The following PHACTR1 variants were observed in gnomAD, a reference collection of about 807,000 sequenced individuals.
PHACTR1 encodes the protein RPEL repeat containing 1.
A neutral mutation model predicts 69.2 loss-of-function variants in PHACTR1; 16 were observed. The ratio of observed to expected loss-of-function variants is 0.23; its 90% confidence interval spans 0.16 to 0.35. PHACTR1 has a LOEUF of 0.35. Among genes scored for constraint, PHACTR1 ranks in the 10% least tolerant of loss-of-function variants. PHACTR1 has a pLI of 1.00. For synonymous variants in PHACTR1, 312 were observed against 284.5 expected, an observed-to-expected ratio of 1.10 and a Z score of -0.97; for missense variants, 510 against 734.7, an observed-to-expected ratio of 0.69 and a Z score of 3.54.
chr6:13,113,644 A>T (rs1372384123), intron 5 of PHACTR1, among the ~76,000 whole-genome samples: 1 of 152,198 alleles, frequency 6.6e-6, no homozygotes, highest in Admixed American at 6.5e-5. Flanking sequence ...ACAAAACCAG[A>T]TACCACACAA....
rs56305254 is a variant in PHACTR1 at position 13,193,357 on chromosome 6, GTATATATA to G, written c.664+10692_664+10699del. ...ATTCTACCTCTTAATAGCTCTCTGT[GTATATATA>G]TATATATATATATATATATAGTTTT... On this transcript the variant is annotated intron_variant, in intron 7 of 14. Coordinates refer to ENST00000332995, the MANE Select transcript of PHACTR1 (RefSeq NM_030948.6). 4.3e-4 allele frequency among the ~76,000 whole-genome samples: 29 copies of G among 68,198 alleles called. 4 individuals carry two copies. Among genetic ancestry groups the G allele is most frequent in the Admixed American group, 9.4e-4 (5 of 5,328 alleles). 44.7% of individuals were successfully genotyped at this position (68,198 alleles called of 152,430 possible).
intron 4 of PHACTR1, among the ~76,000 whole-genome samples, chr6:12,814,738 C>T (rs1195468344): frequency 1.3e-5 from 2 of 152,192 alleles, no homozygotes; most frequent in African/African-American, 4.8e-5. Context: ...TACAGTTAGT[C>T]TAACACTTGA....
intron 9 of PHACTR1, among the ~76,000 whole-genome samples, chr6:13,229,196 T>G (rs753871383): frequency 1.3e-5 from 2 of 152,214 alleles, no homozygotes; most frequent in Non-Finnish European, 2.9e-5. Flanking sequence ...TGGGACCAGA[T>G]AATTCTTTGG....
At chr6:13,211,986 G>A (rs1373403393) in intron 8 of PHACTR1, among the ~76,000 whole-genome samples, 3 of 152,182 alleles carry the variant, frequency 2.0e-5, no homozygotes, top group African/African-American at 2.4e-5. Flanking sequence ...GACGCTAGAA[G>A]TCCGAGATCA....
At chr6:12,914,051 C>G (rs993674763) in intron 4 of PHACTR1, among the ~76,000 whole-genome samples, 3 of 152,162 alleles carry the variant, frequency 2.0e-5, no homozygotes, top group Middle Eastern at 3.2e-3. Context: ...TTACTGCTAC[C>G]TCCGCCTCCC....
intron 6 of PHACTR1, among the ~76,000 whole-genome samples, chr6:13,163,520 G>C (rs1759350824): frequency 6.6e-6 from 1 of 152,202 alleles, no homozygotes; most frequent in African/African-American, 2.4e-5. Context: ...TTTACTGTTT[G>C]GATGTTGGGA....
At chr6:13,088,722 C>A (rs1377474327) in intron 5 of PHACTR1, among the ~76,000 whole-genome samples, 1 of 152,136 alleles carries the variant, frequency 6.6e-6, no homozygotes, top group African/African-American at 2.4e-5. Flanking sequence ...TGATTCTCAG[C>A]CTTTTGGATG....
chr6:12,800,119 A>T (rs1029197559), intron 4 of PHACTR1, among the ~76,000 whole-genome samples: 50 of 152,336 alleles, frequency 3.3e-4, no homozygotes, highest in African/African-American at 1.1e-3. Context: ...TCATTACCCC[A>T]TAGAAAAATG....
chr6:13,015,354 A>C (rs929787847), intron 4 of PHACTR1, among the ~76,000 whole-genome samples: 5 of 152,214 alleles, frequency 3.3e-5, no homozygotes, highest in African/African-American at 7.2e-5. Context: ...GAAGGCGCAC[A>C]CACAAAACAC....
intron 8 of PHACTR1, among the ~76,000 whole-genome samples, chr6:13,207,054 C>T (rs1044544461): frequency 1.3e-5 from 2 of 152,200 alleles, no homozygotes; most frequent in African/African-American, 4.8e-5. Flanking sequence ...CATGTACACA[C>T]ACACACATGC....
chr6:13,082,194 C>G (rs539615893), intron 5 of PHACTR1, among the ~76,000 whole-genome samples: 1 of 152,038 alleles, frequency 6.6e-6, no homozygotes, highest in Non-Finnish European at 1.5e-5. Context: ...TTCCTTCCAC[C>G]GTTAGGAGTG....
chr6:12,824,857 G>T (rs1470248928), intron 4 of PHACTR1, among the ~76,000 whole-genome samples: 1 of 152,164 alleles, frequency 6.6e-6, no homozygotes, highest in Non-Finnish European at 1.5e-5. Flanking sequence ...CAAAGTACTT[G>T]GGTCTGAAAG....
intron 5 of PHACTR1, among the ~76,000 whole-genome samples, chr6:13,059,784 G>A (rs1807407914): frequency 1.3e-5 from 2 of 152,118 alleles, no homozygotes; most frequent in African/African-American, 2.4e-5. Context: ...CCAATTTTAG[G>A]TGTGTAGATA....
At chr6:13,002,648 C>G (rs74920378) in intron 4 of PHACTR1, among the ~76,000 whole-genome samples, 1 of 152,156 alleles carries the variant, frequency 6.6e-6, no homozygotes, top group Non-Finnish European at 1.5e-5. Flanking sequence ...ATGCCTGCCT[C>G]GAGAGTCAAC....
At chr6:12,992,712 T>C (rs917858160) in intron 4 of PHACTR1, among the ~76,000 whole-genome samples, 2 of 152,158 alleles carry the variant, frequency 1.3e-5, no homozygotes, top group Non-Finnish European at 2.9e-5. Context: ...AGAGGTTTGA[T>C]AGGCAAAACA....
chr6:13,172,995 G>T (rs1196030016), intron 6 of PHACTR1, among the ~76,000 whole-genome samples: 3 of 152,200 alleles, frequency 2.0e-5, no homozygotes, highest in Non-Finnish European at 4.4e-5. Flanking sequence ...TTGGCTGCAG[G>T]TAGGGGTAAA....
chr6:12,939,947 G>A (rs1262627887), intron 4 of PHACTR1, among the ~76,000 whole-genome samples: 1 of 152,202 alleles, frequency 6.6e-6, no homozygotes, highest in African/African-American at 2.4e-5. Context: ...TCAAATCCCA[G>A]ATGCTTCTGT....
At chr6:12,793,549 T>C (rs1772600038) in intron 4 of PHACTR1, among the ~76,000 whole-genome samples, 1 of 152,204 alleles carries the variant, frequency 6.6e-6, no homozygotes, top group South Asian at 2.1e-4. Flanking sequence ...TTTTGCAAAA[T>C]TCTGAATTGG....
chr6:12,934,513 A>T (rs1027360168), intron 4 of PHACTR1, among the ~76,000 whole-genome samples: 7 of 152,136 alleles, frequency 4.6e-5, no homozygotes, highest in African/African-American at 1.2e-4. Context: ...GTAACAGAGC[A>T]TGCATTTACT....
Sources: gnomAD v4.1 joint callset for allele counts (sites outside exome capture counted in the v4.1 genomes callset) on GRCh38, gnomAD v4.1.1 for gene constraint, MANE v1.5 for transcripts, NCBI Gene and HGNC (gene_info 2026-07-23, HGNC 2026-07-21) for gene names.